The following KNDC1 variants were observed in gnomAD, a reference collection of about 807,000 sequenced individuals.
KNDC1 encodes the protein kinase non-catalytic C-lobe domain containing 1.
KNDC1 carries 106 observed loss-of-function variants against 172.8 expected under a neutral mutation model. The observed-to-expected ratio is 0.61, with a 90% CI of 0.52 to 0.72. KNDC1 has a LOEUF of 0.72. KNDC1 is among the 30% of genes least tolerant of loss of function. The pLI is 0.00. For synonymous variants in KNDC1, 1,083 were observed against 1,062.2 expected (o/e 1.02, Z -0.38); for missense variants, 2,325 against 2,394.5 (o/e 0.97, Z 0.61).
chr10:133,185,450 CAGTGTGTGCAGTGTAGAG>C (rs2135976694), intron 5 of KNDC1, among the ~76,000 whole-genome samples: 1 of 143,418 alleles, frequency 7.0e-6, no homozygotes, highest in South Asian at 2.3e-4. Context: ...GTGGAATAGG[CAGTGTGTGCAGTGTAGAG>C]TAGGCAGTGT....
intron 3 of KNDC1, among the ~76,000 whole-genome samples, chr10:133,170,238 T>C (rs1853332307): frequency 6.6e-6 from 1 of 152,154 alleles, no homozygotes; most frequent in Non-Finnish European, 1.5e-5. Flanking sequence ...CAGGAGGAAG[T>C]GTGGCTCGTG....
intron 26 of KNDC1, among the ~76,000 whole-genome samples, chr10:133,217,328 G>A (rs932769145): frequency 6.6e-6 from 1 of 152,246 alleles, no homozygotes; most frequent in Non-Finnish European, 1.5e-5. Context: ...CACTTCTCAA[G>A]CTCCTCTCAA....
chr10:133,185,922 G>GGGGT (rs1853893938), intron 5 of KNDC1, 52 bp from the exon 6 acceptor site: 4 of 1,308,480 alleles, frequency 3.1e-6, no homozygotes, highest in African/African-American at 1.6e-5. Context: ...CGGGAGGAGA[G>GGGGT]GGGAGGGGCG....
Position 133,183,481 on chromosome 10 carries a change from G to A in KNDC1, c.498G>A (p.Pro166=), listed in dbSNP as rs373692082. 2.6e-5 allele frequency: 42 copies of A among 1,602,062 alleles called. No individual in the cohort carries two copies. Among genetic ancestry groups the A allele is most frequent in the East Asian group, 9.0e-5 (4 of 44,570 alleles). ...RMQAEDPGDR[P]DLESIIALCE... is the part of the protein sequence containing the mutation. ...AGGCGGAGGACCCCGGGGACCGGCC[G>A]GACCTTGAGGTAAGCGAGGCTGCCC... The change falls in exon 4 of 30, where the codon CCG becomes CCA. Residue 166 remains proline, a synonymous_variant. Coordinates refer to ENST00000304613, the MANE Select transcript of KNDC1 (RefSeq NM_152643.8).
Position 133,213,955 on chromosome 10 carries a change from C to A in KNDC1, c.4527-17C>A. On this transcript the variant is annotated splice_polypyrimidine_tract_variant and intron_variant, in intron 25 of 29. Transcript: ENST00000304613. ...GCACAAGTCCTGGGGGTGACAGGGA[C>A]CATATTTCTCTTCCAGAGCCAGCTC... The A allele has an allele frequency of 6.2e-7, 1 of 1,613,972 alleles. No homozygotes were observed. Among genetic ancestry groups the A allele is most frequent in the Non-Finnish European group, 8.5e-7 (1 of 1,179,884 alleles).
rs759464378 is a variant in KNDC1, at chr10:133,198,582, C to T, written c.2074C>T (p.Gln692Ter). The T allele has an allele frequency of 6.3e-7, 1 of 1,587,940 alleles. No homozygotes were observed. Among genetic ancestry groups the T allele is most frequent in the Admixed American group, 1.7e-5 (1 of 58,174 alleles). ...LAQNASVARD[Q>*]PALAQEESEE... ...TGAGCTCTGCTCCTCCCGTAGGGAC[C>T]AGCCTGCCTTGGCCCAGGAGGAGTC... The change falls in exon 14 of 30, where the codon CAG becomes TAG. Residue 692 changes from glutamine to a stop codon, truncating the protein, a stop_gained. Transcript: ENST00000304613. LOFTEE classifies it high-confidence loss of function.
At chr10:133,219,884 G>A (rs1845546507) in intron 28 of KNDC1, 71 bp from the exon 29 acceptor site, 1 of 1,448,256 alleles carries the variant, frequency 6.9e-7, no homozygotes, top group South Asian at 1.3e-5. Context: ...GGGCTGCGCT[G>A]GCCCCGGCTG....
chr10:133,188,627 C>A lies in KNDC1; in HGVS notation c.1415C>A (p.Ala472Glu). ...GCCCTGTGCCTGGCCTGCCTCCGCG[C>A]ACTGCAGACACGCCCTGAGCACCCA... is the stretch of plus-strand genomic sequence containing the variant. ...LWALCLACLR[A>E]LQTRPEHPAY... The change falls in exon 7 of 30, where the codon GCA becomes GAA. Residue 472 changes from alanine to glutamate, a missense_variant. Transcript: ENST00000304613. 6.3e-7 allele frequency: 1 copy of A among 1,594,166 alleles called. No individual in the cohort carries two copies. Among genetic ancestry groups the A allele is most frequent in the Non-Finnish European group, 8.5e-7 (1 of 1,173,132 alleles).
intron 29 of KNDC1, among the ~76,000 whole-genome samples, chr10:133,222,038 C>T (rs77685815): frequency 0.015 from 927 of 60,708 alleles, 54 homozygotes; most frequent in African/African-American, 0.033. Context: ...CTCTAACACT[C>T]TGGGAGGCCG....
rs995368994 is a variant in KNDC1 at position 133,192,867 on chromosome 10, G to A, written c.1576-2796G>A. On this transcript the variant is annotated intron_variant, in intron 9 of 29. Transcript: ENST00000304613. ...GGAAAGAGAAGAGAAGGAGGGTGGT[G>A]CATAAAAAGTACTCAAAGAAATAAT... 2.6e-5 allele frequency among the ~76,000 whole-genome samples: 4 copies of A among 152,228 alleles called. No individual in the cohort carries two copies. In the East Asian group the frequency reaches 5.8e-4, roughly 22 times the overall value.
chr10:133,199,409 G>A (rs753250286), intron 14 of KNDC1, 49 bp from the exon 15 acceptor site: 5 of 1,599,152 alleles, frequency 3.1e-6, no homozygotes, highest in South Asian at 2.3e-5. Flanking sequence ...GGAACCAGAT[G>A]AGCAGCCCTG....
intron 3 of KNDC1, among the ~76,000 whole-genome samples, chr10:133,177,358 T>TA (rs1421493289): frequency 6.6e-6 from 1 of 152,182 alleles, no homozygotes; most frequent in Non-Finnish European, 1.5e-5. Context: ...CATGGCATGC[T>TA]ATGTCTGTGG....
intron 3 of KNDC1, among the ~76,000 whole-genome samples, chr10:133,169,390 G>A (rs1301575336): frequency 6.6e-6 from 1 of 152,272 alleles, no homozygotes; most frequent in Non-Finnish European, 1.5e-5. Context: ...AACCCAAGAG[G>A]TCGAGGCTGC....
At position 133,163,756 on chromosome 10, in the gene KNDC1, G is replaced by A. The variant is rs1419341530; in HGVS notation, c.102+3187G>A. Among the ~76,000 whole-genome samples, 2 of 152,130 alleles carry A rather than the reference G, an allele frequency of 1.3e-5. No individual in the cohort carries two copies. Among genetic ancestry groups the A allele is most frequent in the African/African-American group, 4.8e-5 (2 of 41,432 alleles). On this transcript the variant is annotated intron_variant, in intron 1 of 29. Transcript: ENST00000304613. This position sits in a 1 kb window ranked among gnomAD's most constrained non-coding sequence, Gnocchi z 4.4. The stretch of plus-strand genomic sequence containing the variant: ...TTTCTGAATGCACAGGGCCCCTAAT[G>A]GGGACCTGCCATGAGATAAGGGTCC...
chr10:133,188,372 C>T (rs367794503), intron 6 of KNDC1, among the ~76,000 whole-genome samples, 167 bp from the exon 7 acceptor site: 28 of 152,252 alleles, frequency 1.8e-4, no homozygotes, highest in African/African-American at 5.8e-4. Flanking sequence ...GGCCCCCACA[C>T]GCTGGAGTTG....
At chr10:133,162,108 C>T (rs948327847) in intron 1 of KNDC1, among the ~76,000 whole-genome samples, 21 of 152,186 alleles carry the variant, frequency 1.4e-4, no homozygotes, top group African/African-American at 4.6e-4. Context: ...GTCATCCCAC[C>T]GAGTTTGCAG....
chr10:133,177,488 TATG>T (rs1853573923), intron 3 of KNDC1, among the ~76,000 whole-genome samples: 1 of 152,124 alleles, frequency 6.6e-6, no homozygotes, highest in Non-Finnish European at 1.5e-5. Flanking sequence ...ATGCATGTAG[TATG>T]GTGTGTGTCA....
Position 133,199,472 on chromosome 10 carries a change from G to T in KNDC1, c.2773G>T (p.Ala925Ser), listed in dbSNP as rs887053906. Residue 925 changes from alanine (A) to serine (S), a missense_variant, in exon 15 of 30, where the codon GCC becomes TCC. Transcript: ENST00000304613. ...EALIMGEYIFALKDLTFATFC... is the reference protein window; with the variant it reads ...EALIMGEYIFSLKDLTFATFC... Reference sequence around the variant, plus strand: ...TGCAAAACCAGGGGAGTACATCTTCGCCTTGAAAGATCTCACCTTTGCCAC... The same window carrying T: ...TGCAAAACCAGGGGAGTACATCTTCTCCTTGAAAGATCTCACCTTTGCCAC... The T allele has an allele frequency of 1.3e-5, 21 of 1,613,654 alleles. No individual in the cohort carries two copies. Among genetic ancestry groups the T allele is most frequent in the Non-Finnish European group, 1.7e-5 (20 of 1,179,970 alleles).
chr10:133,179,364 A>T (rs1383056157), intron 3 of KNDC1: 1 of 152,156 alleles, frequency 6.6e-6, no homozygotes, highest in East Asian at 1.9e-4. Context: ...TGGACCCACC[A>T]CGCTGAGTGC....
Sources: allele counts gnomAD v4.1 joint callset (sites outside exome capture counted in the v4.1 genomes callset), GRCh38; gene constraint gnomAD v4.1.1; non-coding constraint Gnocchi (gnomAD v3.1); transcripts MANE v1.5; gene names NCBI Gene and HGNC (gene_info 2026-07-23, HGNC 2026-07-21).